The following TTC28 variants were observed in gnomAD, a reference collection of about 807,000 sequenced individuals.
The protein encoded by TTC28 is tetratricopeptide repeat domain 28, also known as tetratricopeptide repeat protein 28.
TTC28 carries 61 observed loss-of-function variants against 198.0 expected under a neutral mutation model. That is an observed-to-expected ratio of 0.31 (90% CI 0.25 to 0.38). The LOEUF is 0.38. Ranked by LOEUF, TTC28 falls within the 10% of genes least tolerant of loss-of-function variation. The pLI, the probability that TTC28 is intolerant of heterozygous loss-of-function variation, is 1.00. For missense variants in TTC28, 2,678 were observed against 3,164.0 expected (o/e 0.85, Z 3.69); for synonymous variants, 1,171 against 1,297.8 (o/e 0.90, Z 2.10).
intron 2 of TTC28, among the ~76,000 whole-genome samples, chr22:28,394,376 C>T (rs1309914454): frequency 1.3e-5 from 2 of 152,132 alleles, no homozygotes; most frequent in African/African-American, 2.4e-5. Flanking sequence ...TTGAAAACAA[C>T]TAAAAACATT....
chr22:28,654,005 CCGTTCT>C (rs2051604965), intron 1 of TTC28, among the ~76,000 whole-genome samples: 1 of 152,154 alleles, frequency 6.6e-6, no homozygotes, highest in African/African-American at 2.4e-5. Context: ...TGCTGAACTT[CCGTTCT>C]TACAACATTC....
At chr22:28,198,218 C>T (rs978845982) in intron 5 of TTC28, among the ~76,000 whole-genome samples, 7 of 152,046 alleles carry the variant, frequency 4.6e-5, no homozygotes, top group Admixed American at 3.9e-4. Flanking sequence ...TATTCTGCGC[C>T]TTCTACGTTG....
intron 5 of TTC28, among the ~76,000 whole-genome samples, chr22:28,253,625 T>C (rs975544258): frequency 6.6e-6 from 1 of 152,174 alleles, no homozygotes; most frequent in Non-Finnish European, 1.5e-5. Context: ...CTGTGTATTG[T>C]GGTAGGAACA....
At chr22:28,626,297 AAAAC>A (rs766352605) in intron 2 of TTC28, among the ~76,000 whole-genome samples, 7 of 152,144 alleles carry the variant, frequency 4.6e-5, no homozygotes, top group Non-Finnish European at 8.8e-5. Context: ...TCATTTAGAT[AAAAC>A]AGACATGTAT....
intron 15 of TTC28, chr22:28,000,142 T>C (rs1937632373): frequency 1.3e-5 from 2 of 152,230 alleles, no homozygotes; most frequent in Admixed American, 1.3e-4. Flanking sequence ...GCCAGCTCGC[T>C]TCCTATCTGG....
At chr22:28,325,364 C>T (rs1445063149) in intron 2 of TTC28, among the ~76,000 whole-genome samples, 1 of 151,142 alleles carries the variant, frequency 6.6e-6, no homozygotes, top group Non-Finnish European at 1.5e-5. Context: ...ATTCTTCTCT[C>T]TTTTCTTCTT....
At chr22:28,244,953 C>G (rs543800121) in intron 5 of TTC28, among the ~76,000 whole-genome samples, 2 of 152,256 alleles carry the variant, frequency 1.3e-5, no homozygotes, top group South Asian at 2.1e-4. Context: ...AAGTGCCCAG[C>G]CTTCATGTTG....
At chr22:28,487,648 T>C (rs534609187) in intron 2 of TTC28, among the ~76,000 whole-genome samples, 42 of 152,312 alleles carry the variant, frequency 2.8e-4, no homozygotes, top group Non-Finnish European at 5.1e-4. Flanking sequence ...CTGACATAAT[T>C]ATAAGAGATA....
chr22:28,539,083 T>G (rs1285924850), intron 2 of TTC28, among the ~76,000 whole-genome samples: 1 of 152,172 alleles, frequency 6.6e-6, no homozygotes, highest in African/African-American at 2.4e-5. Flanking sequence ...AGGCCCAGAC[T>G]TCAGTCCTGC....
intron 2 of TTC28, among the ~76,000 whole-genome samples, chr22:28,602,053 AG>A (rs1235653054): frequency 6.6e-6 from 1 of 152,218 alleles, no homozygotes; most frequent in Non-Finnish European, 1.5e-5. Context: ...CAAGAGAGTC[AG>A]GCAAGCAGTC....
intron 2 of TTC28, among the ~76,000 whole-genome samples, chr22:28,363,305 C>A (rs942779602): frequency 6.6e-6 from 1 of 152,162 alleles, no homozygotes; most frequent in Non-Finnish European, 1.5e-5. Context: ...AAGCCTGAAG[C>A]CTTGGCAGCT....
At chr22:28,630,245 C>T (rs1051188684) in intron 1 of TTC28, among the ~76,000 whole-genome samples, 6 of 152,088 alleles carry the variant, frequency 3.9e-5, no homozygotes, top group African/African-American at 1.4e-4. Flanking sequence ...AGCCAAATAA[C>T]CCTTTTTTAT....
chr22:28,036,119 C>T (rs1321291921), intron 12 of TTC28, among the ~76,000 whole-genome samples: 1 of 152,200 alleles, frequency 6.6e-6, no homozygotes, highest in African/African-American at 2.4e-5. Context: ...AGGACATGAA[C>T]TCAGCTCTGG....
intron 5 of TTC28, among the ~76,000 whole-genome samples, chr22:28,247,858 T>A (rs1477072290): frequency 1.3e-5 from 2 of 152,142 alleles, no homozygotes; most frequent in Admixed American, 1.3e-4. Flanking sequence ...GAGGATCCCA[T>A]CTTGAATGGT....
chr22:28,075,557 T>G (rs1941140279), intron 12 of TTC28, among the ~76,000 whole-genome samples: 1 of 152,140 alleles, frequency 6.6e-6, no homozygotes, highest in African/African-American at 2.4e-5. Flanking sequence ...ACTTTGGATC[T>G]TACAAGAAAG....
At chr22:28,109,456 G>T (rs898670386) in intron 6 of TTC28, among the ~76,000 whole-genome samples, 1 of 152,202 alleles carries the variant, frequency 6.6e-6, no homozygotes, top group Admixed American at 6.5e-5. Flanking sequence ...GCCTTGTTAG[G>T]TAGTGGAATT....
intron 2 of TTC28, among the ~76,000 whole-genome samples, chr22:28,579,427 T>C (rs1241929761): frequency 6.7e-6 from 1 of 148,978 alleles, no homozygotes; most frequent in Non-Finnish European, 1.5e-5. Flanking sequence ...TGTATAGCTA[T>C]ATATAGTGTA....
intron 5 of TTC28, among the ~76,000 whole-genome samples, chr22:28,227,676 G>A (rs1462716423): frequency 2.0e-5 from 3 of 151,018 alleles, no homozygotes; most frequent in East Asian, 3.9e-4. Flanking sequence ...ATACCACTTC[G>A]CACTCATTAG....
intron 5 of TTC28, among the ~76,000 whole-genome samples, chr22:28,244,356 A>T (rs1020061534): frequency 1.3e-5 from 2 of 152,208 alleles, no homozygotes; most frequent in African/African-American, 4.8e-5. Flanking sequence ...ACCTCCTTCA[A>T]CCACTACATT....
Sources: allele counts gnomAD v4.1 joint callset (sites outside exome capture counted in the v4.1 genomes callset), GRCh38; gene constraint gnomAD v4.1.1; transcripts MANE v1.5; gene names NCBI Gene and HGNC (gene_info 2026-07-23, HGNC 2026-07-21).